Variants in TLCD3B observed in about 807,000 individuals in gnomAD.
The protein encoded by TLCD3B is TLC domain containing 3B.
In TLCD3B, 9 loss-of-function variants were observed where a neutral mutation model predicts 23.0. That is an observed-to-expected ratio of 0.39 (90% CI 0.24 to 0.68). The LOEUF is 0.68. Ranked by LOEUF, TLCD3B falls within the 30% of genes least tolerant of loss-of-function variation. TLCD3B has a pLI of 0.44. For missense variants in TLCD3B, 307 were observed against 371.8 expected (o/e 0.83, Z 1.43); for synonymous variants, 161 against 161.0 (o/e 1.00, Z 0.00).
chr16:30,027,742 G>A, intron 2 of TLCD3B: 1 of 445,122 alleles, frequency 2.2e-6, no homozygotes, highest in South Asian at 1.6e-5. Context: ...CAGCACATTG[G>A]CAGTTTCTCT....
At chr16:30,052,471 C>T (rs925719753) in intron 1 of TLCD3B, among the ~76,000 whole-genome samples, 1 of 150,420 alleles carries the variant, frequency 6.6e-6, no homozygotes, top group African/African-American at 2.4e-5. Context: ...CTGAGGCGGG[C>T]GCATCACTTG....
At chr16:30,049,800 C>T (rs541589342) in intron 1 of TLCD3B, among the ~76,000 whole-genome samples, 1 of 152,100 alleles carries the variant, frequency 6.6e-6, no homozygotes, top group Admixed American at 6.6e-5. Context: ...TGGCATGCGT[C>T]TGTAATCCCA....
At chr16:30,047,282 A>C (rs1242816263) in intron 1 of TLCD3B, among the ~76,000 whole-genome samples, 1 of 151,942 alleles carries the variant, frequency 6.6e-6, no homozygotes, top group East Asian at 1.9e-4. Flanking sequence ...GGCTACAAGC[A>C]TGTGCCACCG....
rs1285192116 is a variant in TLCD3B at position 30,030,777 on chromosome 16, C to G, written c.-250G>C. ...TGGGAGAAGGGGAGCAGGAGCAGGC[C>G]AGCGAGGGATGGGGAGAGGCAAAGA... is the stretch of plus-strand genomic sequence containing the variant. On this transcript the variant is annotated 5_prime_UTR_variant, in exon 1 of 5. Coordinates refer to ENST00000380495, the MANE Select transcript of TLCD3B (RefSeq NM_031478.6). 2 of 1,213,532 alleles carry G rather than the reference C, an allele frequency of 1.6e-6. No homozygotes were observed. The highest frequency in any genetic ancestry group is 3.7e-5 in the East Asian group (1 of 27,046). The allele number at this position is 1,213,532 out of a possible 1,614,324, so 75.2% of individuals were successfully genotyped here.
chr16:30,050,847 G>T (rs1013579882), intron 1 of TLCD3B, among the ~76,000 whole-genome samples: 1 of 152,174 alleles, frequency 6.6e-6, no homozygotes, highest in African/African-American at 2.4e-5. Flanking sequence ...GACAAAAATA[G>T]GTATATGGTG....
intron 2 of TLCD3B, among the ~76,000 whole-genome samples, chr16:30,028,859 G>A (rs1029946902): frequency 2.0e-5 from 3 of 152,134 alleles, no homozygotes; most frequent in African/African-American, 4.8e-5. Context: ...CCGTCCCCCC[G>A]CCTCCTGCCT....
chr16:30,024,539 GGCCCGAGGGCGCGATGTGCAGCC>G lies in TLCD3B; in HGVS notation c.*621_*643del, dbSNP rs2071005385. 2.3e-6 allele frequency: 1 copy of G among 435,356 alleles called. No homozygotes were observed. The highest frequency in any genetic ancestry group is 2.0e-5 in the African/African-American group (1 of 50,440). 27.0% of individuals were successfully genotyped at this position (435,356 alleles called of 1,614,324 possible). A position where few individuals can be genotyped will look rare whatever the true frequency, so the allele number is the denominator to read the frequency against. On this transcript the variant is annotated 3_prime_UTR_variant, in exon 5 of 5. Coordinates refer to ENST00000380495, the MANE Select transcript of TLCD3B (RefSeq NM_031478.6). The stretch of plus-strand genomic sequence containing the variant: ...GTCAGTAGCACCAGGGACATGGCAG[GGCCCGAGGGCGCGATGTGCAGCC>G]GATGGTGAGGGACTGGGCGCCCTCG...
exon 3 of TLCD3B, chr16:30,041,081 C>G (rs1316369933): frequency 1.3e-5 from 2 of 152,218 alleles, no homozygotes; most frequent in African/African-American, 4.8e-5. Context: ...AATCTGGACT[C>G]TCTCCTACAT....
At chr16:30,043,550 G>A (rs1426507403) in intron 2 of TLCD3B, among the ~76,000 whole-genome samples, 2 of 152,034 alleles carry the variant, frequency 1.3e-5, no homozygotes, top group African/African-American at 2.4e-5. Context: ...GTCACTGTTC[G>A]GATGAGGAAA....
At chr16:30,040,391 C>T (rs2071563392) in intron 3 of TLCD3B, among the ~76,000 whole-genome samples, 1 of 151,922 alleles carries the variant, frequency 6.6e-6, no homozygotes, top group Admixed American at 6.6e-5. Flanking sequence ...TCATCTATGC[C>T]ACCTTACAAA....
upstream of TLCD3B, chr16:30,036,235 G>A: frequency 7.8e-7 from 1 of 1,288,980 alleles, no homozygotes; most frequent in Non-Finnish European, 1.0e-6. Context: ...GGAAGGGAGG[G>A]GGTTGTCAAG....
upstream of TLCD3B, chr16:30,036,229 G>C (rs868352081): frequency 1.6e-6 from 2 of 1,288,996 alleles, no homozygotes; most frequent in African/African-American, 3.0e-5. Flanking sequence ...GAAAAAGGAA[G>C]GGAGGGGGTT....
upstream of TLCD3B, among the ~76,000 whole-genome samples, chr16:30,034,762 A>T (rs116768166): frequency 9.5e-3 from 1,443 of 152,234 alleles, 16 homozygotes; most frequent in African/African-American, 0.033. Context: ...CCTGCTCTAC[A>T]GACGCTGATT....
Position 30,025,872 on chromosome 16 carries a change from G to C in TLCD3B, c.445-51C>G. On this transcript the variant is annotated intron_variant, in intron 3 of 4. Transcript: ENST00000380495. This position sits in a 1 kb window ranked among gnomAD's most constrained non-coding sequence, Gnocchi z 4.1. ...GAGCTGGGGCTCTCCCTGGGTTCTT[G>C]GGCAGCCCCCGCCCTTCCTCTTTCC... The C allele has an allele frequency of 6.9e-7, 1 of 1,450,692 alleles. No individual in the cohort carries two copies. Among genetic ancestry groups the C allele is most frequent in the African/African-American group, 1.4e-5 (1 of 71,654 alleles). 89.9% of individuals were successfully genotyped at this position (1,450,692 alleles called of 1,614,324 possible). A position where few individuals can be genotyped will look rare whatever the true frequency, so the allele number is the denominator to read the frequency against.
At chr16:30,044,974 TC>T (rs1224643230) in intron 2 of TLCD3B, among the ~76,000 whole-genome samples, 1 of 150,380 alleles carries the variant, frequency 6.6e-6, no homozygotes, top group Non-Finnish European at 1.5e-5. Context: ...GCACCTGTAA[TC>T]CCAGCTAGTC....
At chr16:30,026,916 G>T in intron 2 of TLCD3B, 73 bp from the exon 3 acceptor site, 2 of 1,288,456 alleles carry the variant, frequency 1.6e-6, no homozygotes, top group Non-Finnish European at 1.1e-6. Flanking sequence ...AGATCTCAGG[G>T]GTCAGCACAG....
Position 30,030,422 on chromosome 16 carries a change from C to A in TLCD3B, c.106G>T (p.Ala36Ser), listed in dbSNP as rs1462214648. Residue 36 changes from alanine to serine, a missense_variant, in exon 1 of 5, where the codon GCA (alanine) becomes TCA (serine). By Grantham distance (99) the Ala-to-Ser change is moderately conservative (BLOSUM62 1). Coordinates refer to ENST00000380495, the MANE Select transcript of TLCD3B (RefSeq NM_031478.6). ...LPQLRWEEAD[A>S]VIVSARLVSS... ...GTTTACCTGGCTGAGACAATGACTG[C>A]GTCGGCCTCCTCCCAGCGTAGCTGG... 1 of 1,592,910 alleles carries A rather than the reference C, an allele frequency of 6.3e-7. No homozygotes were observed. Among genetic ancestry groups the A allele is most frequent in the Non-Finnish European group, 8.5e-7 (1 of 1,171,410 alleles).
chr16:30,044,065 C>T (rs1596775880), intron 2 of TLCD3B, among the ~76,000 whole-genome samples: 1 of 150,108 alleles, frequency 6.7e-6, no homozygotes, highest in East Asian at 2.0e-4. Flanking sequence ...GGTGCGATCT[C>T]AGCTCACTGC....
chr16:30,026,719 C>T lies in TLCD3B; in HGVS notation c.334G>A (p.Ala112Thr), dbSNP rs556384188. Reference sequence around the variant, plus strand: ...GCCCACGTGCTGCCCGGGGCTCTGGCCGCTCCGTCGTCCCCTCCATGCCCT... The same window carrying T: ...GCCCACGTGCTGCCCGGGGCTCTGGTCGCTCCGTCGTCCCCTCCATGCCCT... ...VKGHGGDDGA[A>T]RAPGSTWAIA... Residue 112 changes from alanine to threonine, a missense_variant, in exon 3 of 5, where the codon GCC (alanine) becomes ACC (threonine). By Grantham distance (58) the Ala-to-Thr change is moderately conservative (BLOSUM62 0). Transcript: ENST00000380495. 6.2e-7 allele frequency: 1 copy of T among 1,614,034 alleles called. No homozygotes were observed. Among genetic ancestry groups the T allele is most frequent in the South Asian group, 1.1e-5 (1 of 91,064 alleles).
Sources: allele counts gnomAD v4.1 joint callset (sites outside exome capture counted in the v4.1 genomes callset), GRCh38; gene constraint gnomAD v4.1.1; non-coding constraint Gnocchi (gnomAD v3.1); transcripts MANE v1.5; gene names NCBI Gene and HGNC (gene_info 2026-07-23, HGNC 2026-07-21).